The following FBXL17 variants were observed in gnomAD, a reference collection of about 807,000 sequenced individuals.
The protein encoded by FBXL17 is F-box and leucine rich repeat protein 17, also known as F-box/LRR-repeat protein 17.
In FBXL17, 22 loss-of-function variants were observed where a neutral mutation model predicts 66.2. The observed-to-expected ratio is 0.33, with a 90% CI of 0.24 to 0.47. FBXL17 has a LOEUF of 0.47. FBXL17 is among the 20% of genes least tolerant of loss of function. The pLI, the probability that FBXL17 is intolerant of heterozygous loss-of-function variation, is 1.00. For synonymous variants in FBXL17, 474 were observed against 400.5 expected, an observed-to-expected ratio of 1.18 and a Z score of -2.19; for missense variants, 878 against 948.2, an observed-to-expected ratio of 0.93 and a Z score of 0.97.
At position 107,861,875 on chromosome 5, in the gene FBXL17, G is replaced by A; in HGVS notation, c.1966-15C>T. ...ACTTCGTTGACCTGCAAACAAAGAA[G>A]AGTCACCATCACGCACAGAGACCAC... On this transcript the variant is annotated splice_polypyrimidine_tract_variant and intron_variant, in intron 8 of 8. Transcript: ENST00000542267. 6.6e-7 allele frequency: 1 copy of A among 1,504,468 alleles called. No homozygotes were observed. The highest frequency in any genetic ancestry group is 8.9e-7 in the Non-Finnish European group (1 of 1,117,770). The allele number at this position is 1,504,468 out of a possible 1,614,324, so 93.2% of individuals were successfully genotyped here.
intron 1 of FBXL17, among the ~76,000 whole-genome samples, chr5:108,379,391 G>T (rs1749682902): frequency 6.6e-6 from 1 of 152,116 alleles, no homozygotes; most frequent in South Asian, 2.1e-4. Flanking sequence ...ACAAAGAGTA[G>T]GCAATTACTC....
At chr5:108,217,029 T>C (rs1377834845) in intron 5 of FBXL17, among the ~76,000 whole-genome samples, 1 of 152,140 alleles carries the variant, frequency 6.6e-6, no homozygotes, top group Non-Finnish European at 1.5e-5. Flanking sequence ...CACTCTACTT[T>C]CCTTTATTTG....
At chr5:108,266,192 A>ATAATTCTAACTT (rs1301683084) in intron 4 of FBXL17, among the ~76,000 whole-genome samples, 1 of 152,180 alleles carries the variant, frequency 6.6e-6, no homozygotes, top group Non-Finnish European at 1.5e-5. Flanking sequence ...AGCAGAAACT[A>ATAATTCTAACTT]TAATTCTAAC....
At chr5:107,950,666 G>A (rs1489809830) in intron 7 of FBXL17, among the ~76,000 whole-genome samples, 3 of 152,146 alleles carry the variant, frequency 2.0e-5, no homozygotes, top group African/African-American at 7.2e-5. Context: ...TGCTCACTTA[G>A]AACATGTTTT....
chr5:108,164,227 C>G (rs186586274), intron 6 of FBXL17, among the ~76,000 whole-genome samples: 2 of 152,270 alleles, frequency 1.3e-5, no homozygotes, highest in Admixed American at 1.3e-4. Flanking sequence ...TGACATTAAG[C>G]CATACACGAA....
chr5:108,172,771 A>G (rs2150018278), intron 6 of FBXL17, among the ~76,000 whole-genome samples: 1 of 152,074 alleles, frequency 6.6e-6, no homozygotes, highest in East Asian at 1.9e-4. Flanking sequence ...CTAATTTGAT[A>G]TTTTTACCTA....
At chr5:108,162,307 G>C (rs1295800904) in intron 6 of FBXL17, among the ~76,000 whole-genome samples, 2 of 152,200 alleles carry the variant, frequency 1.3e-5, no homozygotes, top group East Asian at 3.9e-4. Flanking sequence ...AGACCAGCCT[G>C]AGTAAGACTC....
chr5:108,111,495 AG>A (rs1476773771), intron 6 of FBXL17, among the ~76,000 whole-genome samples: 2 of 152,218 alleles, frequency 1.3e-5, no homozygotes, highest in African/African-American at 4.8e-5. Flanking sequence ...CTAAGAGAAA[AG>A]GCTGTAAGCA....
chr5:108,213,648 C>A (rs1754473434), intron 5 of FBXL17, among the ~76,000 whole-genome samples: 1 of 152,124 alleles, frequency 6.6e-6, no homozygotes, highest in Admixed American at 6.5e-5. Context: ...GTGAGATGAA[C>A]CGGGTACCTC....
intron 6 of FBXL17, among the ~76,000 whole-genome samples, chr5:108,160,674 C>T (rs1752176597): frequency 6.6e-6 from 1 of 152,102 alleles, no homozygotes; most frequent in South Asian, 2.1e-4. Context: ...GACCTAAAAA[C>T]AGGGTTTAAA....
chr5:108,351,682 T>C (rs1747665918), intron 3 of FBXL17, among the ~76,000 whole-genome samples: 1 of 152,242 alleles, frequency 6.6e-6, no homozygotes, highest in Admixed American at 6.5e-5. Flanking sequence ...AAAGCTGACA[T>C]CTTGCTCCTT....
At chr5:107,975,171 C>G (rs971737231) in intron 7 of FBXL17, among the ~76,000 whole-genome samples, 31 of 152,018 alleles carry the variant, frequency 2.0e-4, no homozygotes, top group Non-Finnish European at 3.7e-4. Context: ...CTATGAATTG[C>G]CTATAAATAT....
chr5:107,880,329 T>C (rs1425946970), intron 8 of FBXL17: 3 of 970,158 alleles, frequency 3.1e-6, no homozygotes, highest in Non-Finnish European at 3.7e-6. Context: ...TCCTTCTGCC[T>C]TGGCCTCCCA....
intron 6 of FBXL17, among the ~76,000 whole-genome samples, chr5:108,113,574 G>A (rs962279827): frequency 6.6e-6 from 1 of 152,032 alleles, no homozygotes; most frequent in African/African-American, 2.4e-5. Context: ...AAGTAATTCT[G>A]AGATGTTCTC....
intron 6 of FBXL17, among the ~76,000 whole-genome samples, chr5:108,069,631 C>T (rs1269588269): frequency 6.6e-6 from 1 of 152,194 alleles, no homozygotes; most frequent in Admixed American, 6.5e-5. Flanking sequence ...CAGAGGTAAA[C>T]TTCCTGCTGA....
At chr5:108,014,968 G>A (rs1031799009) in intron 7 of FBXL17, among the ~76,000 whole-genome samples, 2 of 152,126 alleles carry the variant, frequency 1.3e-5, no homozygotes, top group Admixed American at 6.6e-5. Flanking sequence ...CGCCACAACA[G>A]TATAGGGGAA....
chr5:107,899,593 C>T (rs1398262189), intron 7 of FBXL17, among the ~76,000 whole-genome samples: 2 of 152,166 alleles, frequency 1.3e-5, no homozygotes, highest in Non-Finnish European at 2.9e-5. Context: ...GTTATGATTG[C>T]TGCACTGCAC....
intron 6 of FBXL17, among the ~76,000 whole-genome samples, chr5:108,157,611 C>A (rs1193889090): frequency 1.3e-5 from 2 of 150,138 alleles, no homozygotes; most frequent in African/African-American, 4.9e-5. Context: ...AAACTAAAAT[C>A]TGTAGGTAAA....
At chr5:108,201,959 T>C (rs1212576466) in intron 5 of FBXL17, among the ~76,000 whole-genome samples, 1 of 152,060 alleles carries the variant, frequency 6.6e-6, no homozygotes, top group African/African-American at 2.4e-5. Context: ...ATATCCTTTT[T>C]ACAAGAGTAT....
Sources: allele counts gnomAD v4.1 joint callset (sites outside exome capture counted in the v4.1 genomes callset), GRCh38; gene constraint gnomAD v4.1.1; transcripts MANE v1.5; gene names NCBI Gene and HGNC (gene_info 2026-07-23, HGNC 2026-07-21).